Variants in MYO1E observed in about 807,000 individuals in gnomAD.
The protein encoded by MYO1E is myosin IE, also known as unconventional myosin-Ie.
MYO1E carries 68 observed loss-of-function variants against 151.1 expected under a neutral mutation model. That is an observed-to-expected ratio of 0.45 (90% confidence interval 0.37 to 0.55). The LOEUF (loss-of-function observed/expected upper bound fraction) is 0.55. Ranked by LOEUF, MYO1E falls within the 20% of genes least tolerant of loss-of-function variation. The pLI is 0.00. For synonymous variants in MYO1E, 601 were observed against 501.7 expected (o/e 1.20, Z -2.64); for missense variants, 1,363 against 1,389.3 (o/e 0.98, Z 0.30).
intron 4 of MYO1E, among the ~76,000 whole-genome samples, chr15:59,253,901 C>CTTTTTTTTTTTT (rs34819314): frequency 6.6e-5 from 9 of 135,816 alleles, no homozygotes; most frequent in South Asian, 2.4e-4. Flanking sequence ...GACAAACAAC[C>CTTTTTTTTTTTT]TTTTTTTTTT....
chr15:59,233,868 CTG>C (rs1218946015), intron 5 of MYO1E, among the ~76,000 whole-genome samples: 26 of 126,320 alleles, frequency 2.1e-4, no homozygotes, highest in African/African-American at 6.8e-4. Flanking sequence ...AGAATACACA[CTG>C]TATTTCAAAG....
At chr15:59,243,014 C>T (rs958949362) in intron 4 of MYO1E, among the ~76,000 whole-genome samples, 35 of 150,692 alleles carry the variant, frequency 2.3e-4, no homozygotes, top group African/African-American at 5.4e-4. Context: ...TGGGGGCCAA[C>T]GGAGTTGGGA....
chr15:59,353,298 A>G (rs2080833968), intron 1 of MYO1E, among the ~76,000 whole-genome samples: 1 of 142,212 alleles, frequency 7.0e-6, no homozygotes, highest in Non-Finnish European at 1.5e-5. Flanking sequence ...TTAAGGCTGC[A>G]GTGAGCTGTG....
At chr15:59,318,062 G>A (rs1307477764) in intron 1 of MYO1E, among the ~76,000 whole-genome samples, 3 of 152,190 alleles carry the variant, frequency 2.0e-5, no homozygotes, top group Non-Finnish European at 4.4e-5. Flanking sequence ...TAAATGGGGA[G>A]TCACTGAGGA....
At chr15:59,250,624 G>A (rs1267440636) in intron 4 of MYO1E, among the ~76,000 whole-genome samples, 1 of 152,038 alleles carries the variant, frequency 6.6e-6, no homozygotes, top group Admixed American at 6.5e-5. Flanking sequence ...ACTGAACCTG[G>A]CGGGGGCGGG....
rs1183428297 is a variant in MYO1E at position 59,159,433 on chromosome 15, T to C, written c.2786-1054A>G. ...GCCAGGCCTCTGCCTTCCAGTGGGG[T>C]GAGGCCTATAGGCCAGGCCAACAGG... On this transcript the variant is annotated intron_variant, in intron 24 of 27. Coordinates refer to ENST00000288235, the MANE Select transcript of MYO1E (RefSeq NM_004998.4). This position sits in a 1 kb window ranked among gnomAD's most constrained non-coding sequence, Gnocchi z 4.4. Among the ~76,000 whole-genome samples, 2 of 152,302 alleles carry C rather than the reference T, an allele frequency of 1.3e-5. No individual in the cohort carries two copies. Among genetic ancestry groups the C allele is most frequent in the African/African-American group, 4.8e-5 (2 of 41,570 alleles).
Position 59,163,274 on chromosome 15 carries a change from T to C in MYO1E, c.2510A>G (p.His837Arg), listed in dbSNP as rs772914539. The change falls in exon 23 of 28, where the codon CAT becomes CGT. Residue 837 changes from histidine (H) to arginine (R), a missense_variant. Coordinates refer to ENST00000288235, the MANE Select transcript of MYO1E (RefSeq NM_004998.4). ...STMQDDIFIL[H>R]EQEYDSLLES... ...AAGCAAACTGTCATACTCTTGCTCATGGAGAATAAAAATGTCATCCTGCAT... is the reference window on the plus strand; with the variant it reads ...AAGCAAACTGTCATACTCTTGCTCACGGAGAATAAAAATGTCATCCTGCAT... The C allele has an allele frequency of 8.7e-6, 14 of 1,613,796 alleles. No individual in the cohort carries two copies. In the South Asian group the frequency reaches 1.1e-4, roughly 13 times the overall value.
At position 59,264,230 on chromosome 15, in the gene MYO1E, A is replaced by G. The variant is rs376343596; in HGVS notation, c.148-2721T>C. Among the ~76,000 whole-genome samples, 20 of 152,336 alleles carry G rather than the reference A, an allele frequency of 1.3e-4. No homozygotes were observed. The East Asian group carries it at 3.7e-3, about 28-fold the overall frequency. ...AGCATTTCAAATTTGGAATTTTCAG[A>G]TTAAGGATACTCAGCCTGTACAGGG... is the stretch of plus-strand genomic sequence containing the variant. On this transcript the variant is annotated intron_variant, in intron 2 of 27. Transcript: ENST00000288235.
chr15:59,153,820 G>A (rs1428805886), intron 25 of MYO1E, 29 bp from the exon 26 acceptor site: 5 of 1,598,710 alleles, frequency 3.1e-6, no homozygotes, highest in African/African-American at 1.3e-5. Context: ...AAGGAAATAA[G>A]GCTCAGATTT....
At position 59,163,416 on chromosome 15, in the gene MYO1E, T is replaced by C; in HGVS notation, c.2481-113A>G. ...GCAAGATAGTGCTAAGATTTTACAG[T>C]CTTTCTTTCTATAAGTAATAATCTT... On this transcript the variant is annotated intron_variant, in intron 22 of 27. Coordinates refer to ENST00000288235, the MANE Select transcript of MYO1E (RefSeq NM_004998.4). The C allele has an allele frequency of 1.4e-5, 15 of 1,053,736 alleles. No individual in the cohort carries two copies. In the South Asian group the frequency reaches 2.3e-4, roughly 16 times the overall value. 65.3% of individuals were successfully genotyped at this position (1,053,736 alleles called of 1,614,324 possible). A position where few individuals can be genotyped will look rare whatever the true frequency, so the allele number is the denominator to read the frequency against.
chr15:59,157,477 T>TA (rs1193267121), intron 25 of MYO1E, among the ~76,000 whole-genome samples: 5 of 152,166 alleles, frequency 3.3e-5, no homozygotes, highest in Admixed American at 6.5e-5. Context: ...AATATTAAAT[T>TA]AAAGTTCCAG....
At chr15:59,370,800 T>C (rs2080940088) in intron 1 of MYO1E, among the ~76,000 whole-genome samples, 1 of 152,214 alleles carries the variant, frequency 6.6e-6, no homozygotes, top group African/African-American at 2.4e-5. Context: ...CTCAAGTACT[T>C]AAATTCAGTA....
At chr15:59,343,348 TAC>T (rs1486302101) in intron 1 of MYO1E, among the ~76,000 whole-genome samples, 1 of 152,116 alleles carries the variant, frequency 6.6e-6, no homozygotes, top group Non-Finnish European at 1.5e-5. Flanking sequence ...TCCTGGCCTG[TAC>T]AGTTTCCACT....
At chr15:59,156,691 A>T (rs1596345091) in intron 25 of MYO1E, among the ~76,000 whole-genome samples, 1 of 152,256 alleles carries the variant, frequency 6.6e-6, no homozygotes, top group Non-Finnish European at 1.5e-5. Context: ...CTTGGCTGGG[A>T]AGACTGGAAT....
At chr15:59,185,254 T>C (rs1297808387) in intron 18 of MYO1E, among the ~76,000 whole-genome samples, 1 of 152,158 alleles carries the variant, frequency 6.6e-6, no homozygotes, top group Admixed American at 6.6e-5. Flanking sequence ...ATTTTGTGGA[T>C]TGTTTCCTTT....
chr15:59,147,013 C>T (rs2079445273), intron 26 of MYO1E, among the ~76,000 whole-genome samples: 1 of 152,166 alleles, frequency 6.6e-6, no homozygotes, highest in African/African-American at 2.4e-5. Flanking sequence ...ATTAAGTACA[C>T]TACATCCAGT....
At chr15:59,248,778 T>C in intron 4 of MYO1E, among the ~76,000 whole-genome samples, 1 of 152,196 alleles carries the variant, frequency 6.6e-6, no homozygotes. Context: ...CCTTAGTTCA[T>C]GTGTTCACAT....
chr15:59,281,739 C>T (rs942677951), intron 1 of MYO1E, among the ~76,000 whole-genome samples: 1 of 152,194 alleles, frequency 6.6e-6, no homozygotes, highest in Non-Finnish European at 1.5e-5. Context: ...ACACAACAAT[C>T]TTCATAAAAT....
intron 2 of MYO1E, among the ~76,000 whole-genome samples, chr15:59,262,317 A>G (rs1028011716): frequency 5.9e-5 from 9 of 152,142 alleles, no homozygotes; most frequent in East Asian, 1.9e-4. Context: ...AAAGGCATCA[A>G]TGAGGTAATT....
Sources: gnomAD v4.1 joint callset for allele counts (sites outside exome capture counted in the v4.1 genomes callset) on GRCh38, gnomAD v4.1.1 for gene constraint, Gnocchi (gnomAD v3.1) non-coding constraint, MANE v1.5 for transcripts, NCBI Gene and HGNC (gene_info 2026-07-23, HGNC 2026-07-21) for gene names.